Variants in REV3L observed in about 807,000 individuals in gnomAD.
REV3L encodes REV3 like, DNA directed polymerase zeta catalytic subunit, also known as DNA polymerase zeta catalytic subunit.
Under a neutral mutation model 299.4 loss-of-function variants are expected in REV3L, and 69 were observed. The observed-to-expected ratio is 0.23, with a 90% CI of 0.19 to 0.28. The LOEUF (loss-of-function observed/expected upper bound fraction) is 0.28, where lower values mean the gene tolerates loss of function less well. Ranked by LOEUF, REV3L falls within the 10% of genes least tolerant of loss-of-function variation. REV3L has a pLI of 1.00. For missense variants in REV3L, 3,128 were observed against 3,693.8 expected (o/e 0.85, Z 3.97); for synonymous variants, 1,238 against 1,271.4 (o/e 0.97, Z 0.56).
At chr6:111,383,947 T>G (rs1272146739) in intron 9 of REV3L, among the ~76,000 whole-genome samples, 5 of 152,012 alleles carry the variant, frequency 3.3e-5, no homozygotes, top group Admixed American at 2.6e-4. Context: ...TGAAATAAAT[T>G]CATGACTGCA....
intron 2 of REV3L, among the ~76,000 whole-genome samples, chr6:111,413,283 CTT>C (rs948106707): frequency 2.6e-5 from 4 of 151,930 alleles, no homozygotes; most frequent in African/African-American, 9.7e-5. Flanking sequence ...CAGGGAGACT[CTT>C]TGGGGGAAAA....
At chr6:111,320,307 C>A (rs1469833932) in intron 26 of REV3L, among the ~76,000 whole-genome samples, 2 of 152,180 alleles carry the variant, frequency 1.3e-5, no homozygotes, top group Non-Finnish European at 2.9e-5. Context: ...CTCAGGTGAT[C>A]TGCCTGCCTT....
At chr6:111,419,729 C>T (rs2128287344) in intron 1 of REV3L, among the ~76,000 whole-genome samples, 1 of 152,278 alleles carries the variant, frequency 6.6e-6, no homozygotes, top group South Asian at 2.1e-4. Flanking sequence ...TGACTTCAGT[C>T]CAGGCGCTTT....
At chr6:111,411,111 C>T (rs772811337) in intron 3 of REV3L, among the ~76,000 whole-genome samples, 23 of 152,148 alleles carry the variant, frequency 1.5e-4, no homozygotes, top group Middle Eastern at 3.2e-3. Context: ...CTCAAAAGCC[C>T]TCTCACTCTG....
chr6:111,473,794 T>C (rs1478289740), intron 1 of REV3L, among the ~76,000 whole-genome samples: 2 of 152,110 alleles, frequency 1.3e-5, no homozygotes, highest in African/African-American at 2.4e-5. Context: ...AGGGGGTCAG[T>C]GTGAGGTGAT....
chr6:111,338,733 AT>A (rs1005426143), intron 21 of REV3L, among the ~76,000 whole-genome samples: 1 of 152,014 alleles, frequency 6.6e-6, no homozygotes, highest in African/African-American at 2.4e-5. Flanking sequence ...GATCAACTCT[AT>A]TTTTTTAGGC....
chr6:111,440,152 C>T (rs929125291), intron 1 of REV3L, among the ~76,000 whole-genome samples: 4 of 152,110 alleles, frequency 2.6e-5, no homozygotes, highest in Non-Finnish European at 5.9e-5. Context: ...CTGCAACCAC[C>T]GCCTCCGGGG....
At chr6:111,463,852 G>A (rs933711058) in intron 1 of REV3L, among the ~76,000 whole-genome samples, 2 of 152,052 alleles carry the variant, frequency 1.3e-5, no homozygotes, top group Non-Finnish European at 2.9e-5. Context: ...TTGGGGACAC[G>A]GTCTGCTCCA....
intron 14 of REV3L, among the ~76,000 whole-genome samples, chr6:111,365,683 G>A (rs1009410981): frequency 3.4e-4 from 51 of 152,118 alleles, no homozygotes; most frequent in African/African-American, 1.2e-3. Context: ...GGTCTAGAGA[G>A]AGAATCAGAC....
intron 25 of REV3L, among the ~76,000 whole-genome samples, chr6:111,326,554 A>C (rs1372409990): frequency 1.3e-5 from 2 of 151,994 alleles, no homozygotes; most frequent in Non-Finnish European, 2.9e-5. Flanking sequence ...TGCTGCAAAA[A>C]TCTAAAAATA....
chr6:111,403,965 G>T, intron 4 of REV3L, among the ~76,000 whole-genome samples: 1 of 152,196 alleles, frequency 6.6e-6, no homozygotes, highest in Non-Finnish European at 1.5e-5. Flanking sequence ...TGAAACAGCA[G>T]GGGCTGATGT....
intron 11 of REV3L, 126 bp from the exon 12 acceptor site, chr6:111,377,969 A>G (rs1780478070): frequency 2.8e-6 from 2 of 709,136 alleles, no homozygotes; most frequent in Non-Finnish European, 4.3e-6. Flanking sequence ...TATCTAAGTT[A>G]CTCTATAGTA....
rs551595885 is a variant in REV3L, at chr6:111,351,855, T to A, written c.7185-64A>T. The A allele has an allele frequency of 1.3e-4, 136 of 1,082,828 alleles. No homozygotes were observed. In the South Asian group the frequency reaches 1.7e-3, roughly 13 times the overall value. 67.1% of individuals were successfully genotyped at this position (1,082,828 alleles called of 1,614,324 possible). ...CATTTGAACCTTTAACCAGAATAAT[T>A]GTTTCTTCATGATATAAGGTATGAA... On this transcript the variant is annotated intron_variant, in intron 18 of 31. Transcript: ENST00000368802.
intron 4 of REV3L, among the ~76,000 whole-genome samples, chr6:111,399,762 CATA>C (rs200619702): frequency 0.056 from 8,533 of 152,200 alleles, 268 homozygotes; most frequent in Middle Eastern, 0.085. Flanking sequence ...ACCCACATGA[CATA>C]ATAACTGGTG....
chr6:111,302,016 T>G (rs1463312719), intron 31 of REV3L, among the ~76,000 whole-genome samples: 1 of 152,244 alleles, frequency 6.6e-6, no homozygotes, highest in Non-Finnish European at 1.5e-5. Flanking sequence ...AGTGAATTCT[T>G]TGATCTATAT....
At chr6:111,427,747 C>T (rs1786355008) in intron 1 of REV3L, among the ~76,000 whole-genome samples, 1 of 152,150 alleles carries the variant, frequency 6.6e-6, no homozygotes, top group African/African-American at 2.4e-5. Context: ...GGCAAGAGAC[C>T]TATCCCTGTC....
At chr6:111,410,683 TA>T (rs1209197824) in intron 3 of REV3L, among the ~76,000 whole-genome samples, 1 of 152,216 alleles carries the variant, frequency 6.6e-6, no homozygotes, top group Non-Finnish European at 1.5e-5. Flanking sequence ...TTCAGTGAAG[TA>T]CTCAAATGGT....
intron 11 of REV3L, among the ~76,000 whole-genome samples, chr6:111,379,483 A>G (rs77203932): frequency 1.2e-3 from 179 of 152,320 alleles, no homozygotes; most frequent in Middle Eastern, 0.01. Flanking sequence ...AGAAAACCAC[A>G]ACACCAACTT....
chr6:111,375,243 A>T lies in REV3L; in HGVS notation c.3112T>A (p.Tyr1038Asn). Reference protein sequence around the residue: ...PDSPATKYPIYPLTPKKSHRR... With the variant: ...PDSPATKYPINPLTPKKSHRR... ...TGACTTTTCTTTGGTGTTAGTGGAT[A>T]AATGGGATATTTGGTTGCAGGGGAG... The change falls in exon 13 of 32, where the codon TAT (tyrosine) becomes AAT (asparagine). Residue 1038 changes from tyrosine to asparagine, a missense_variant. Transcript: ENST00000368802. The T allele has an allele frequency of 6.2e-7, 1 of 1,612,358 alleles. No individual in the cohort carries two copies. Among genetic ancestry groups the T allele is most frequent in the Non-Finnish European group, 8.5e-7 (1 of 1,179,712 alleles).
Sources: allele counts gnomAD v4.1 joint callset (sites outside exome capture counted in the v4.1 genomes callset), GRCh38; gene constraint gnomAD v4.1.1; transcripts MANE v1.5; gene names NCBI Gene and HGNC (gene_info 2026-07-23, HGNC 2026-07-21).